ZDHHC21: variants seen among roughly 807,000 people sequenced by gnomAD.
ZDHHC21 encodes the protein zDHHC palmitoyltransferase 21.
A neutral mutation model predicts 34.6 loss-of-function variants in ZDHHC21; 15 were observed. That is an observed-to-expected ratio of 0.43 (90% CI 0.29 to 0.67). ZDHHC21 has a LOEUF of 0.67. ZDHHC21 is among the 30% of genes least tolerant of loss of function. ZDHHC21 has a pLI of 0.14. For missense variants in ZDHHC21, 344 were observed against 327.7 expected, an observed-to-expected ratio of 1.05 and a Z score of -0.38; for synonymous variants, 142 against 101.8, an observed-to-expected ratio of 1.40 and a Z score of -2.38.
intron 6 of ZDHHC21, among the ~76,000 whole-genome samples, chr9:14,659,687 T>C (rs1832992096): frequency 6.6e-6 from 1 of 152,160 alleles, no homozygotes; most frequent in African/African-American, 2.4e-5. Context: ...ATGTAACAGG[T>C]TTCGGTCCTA....
chr9:14,648,704 C>A (rs1289275752), intron 7 of ZDHHC21, among the ~76,000 whole-genome samples: 1 of 152,030 alleles, frequency 6.6e-6, no homozygotes, highest in Admixed American at 6.6e-5. Context: ...AACACAGGAA[C>A]TTTGTTTTAG....
At chr9:14,652,737 C>T (rs904811456) in intron 7 of ZDHHC21, among the ~76,000 whole-genome samples, 1 of 151,902 alleles carries the variant, frequency 6.6e-6, no homozygotes, top group Non-Finnish European at 1.5e-5. Context: ...ATACAACGTA[C>T]CAGTTTTCTA....
intron 8 of ZDHHC21, 128 bp downstream of exon 8, chr9:14,639,768 C>A (rs905859120): frequency 1.8e-5 from 9 of 513,888 alleles, no homozygotes; most frequent in Admixed American, 3.6e-5. Context: ...TACATAGGCA[C>A]ATGAAAGTAT....
intron 7 of ZDHHC21, among the ~76,000 whole-genome samples, chr9:14,658,441 A>AATGTT (rs1437687534): frequency 1.4e-5 from 2 of 138,500 alleles, no homozygotes; most frequent in Non-Finnish European, 3.1e-5. Flanking sequence ...CAACTGCTCT[A>AATGTT]ATGTTAGTGG....
chr9:14,658,286 G>A (rs1326177790), intron 7 of ZDHHC21, among the ~76,000 whole-genome samples: 1 of 151,960 alleles, frequency 6.6e-6, no homozygotes, highest in Admixed American at 6.6e-5. Context: ...GGAAATGTCA[G>A]ACTAGGGCCC....
In ZDHHC21 at chr9:14,613,405, T is replaced by G. The variant is rs370021620; in HGVS notation, c.*5561A>C. 11 of 151,798 alleles carry G rather than the reference T, an allele frequency of 7.2e-5. No homozygotes were observed. The highest frequency in any genetic ancestry group is 2.7e-4 in the African/African-American group (11 of 41,404). 9.4% of individuals were successfully genotyped at this position (151,798 alleles called of 1,614,324 possible). A position where few individuals can be genotyped will look rare whatever the true frequency, so the allele number is the denominator to read the frequency against. On this transcript the variant is annotated 3_prime_UTR_variant, in exon 10 of 10. Coordinates refer to ENST00000380916, the MANE Select transcript of ZDHHC21 (RefSeq NM_178566.6). ...ATAAAACACGAACTTCAGGCACCAG[T>G]AGGTTAAAATATCATCCAATGTATA...
chr9:14,666,349 C>G, intron 5 of ZDHHC21, among the ~76,000 whole-genome samples: 1 of 133,494 alleles, frequency 7.5e-6, no homozygotes, highest in African/African-American at 2.7e-5. Context: ...ATTCATAAAT[C>G]AAGTCCTGAG....
chr9:14,602,419 G>A, the ZDHHC21 span, among the ~76,000 whole-genome samples: 13 of 151,992 alleles, frequency 8.6e-5, no homozygotes, highest in African/African-American at 3.1e-4. Flanking sequence ...CTTATTTAAT[G>A]AAATAATAGC....
chr9:14,659,473 C>T (rs939916105), intron 6 of ZDHHC21, among the ~76,000 whole-genome samples: 1 of 152,120 alleles, frequency 6.6e-6, no homozygotes, highest in Non-Finnish European at 1.5e-5. Flanking sequence ...ACAGTGAACC[C>T]TAACTAGGAA....
Position 14,665,191 on chromosome 9 carries a change from C to A in ZDHHC21, c.254-2865G>T, listed in dbSNP as rs967640251. 2.2e-5 allele frequency among the ~76,000 whole-genome samples: 3 copies of A among 137,404 alleles called. No individual in the cohort carries two copies. In the Admixed American group the frequency reaches 2.2e-4, roughly 10 times the overall value. The allele number at this position is 137,404 out of a possible 152,430, so 90.1% of individuals were successfully genotyped here. A position where few individuals can be genotyped will look rare whatever the true frequency, so the allele number is the denominator to read the frequency against. ...GCTGAAAACCAAGGCTCGAGAACTA[C>A]GTGAAGAATGCAGAAGCCTCAGGAG... On this transcript the variant is annotated intron_variant, in intron 5 of 9. Transcript: ENST00000380916.
intron 8 of ZDHHC21, chr9:14,622,529 T>C (rs1430776330): frequency 5.1e-6 from 5 of 985,146 alleles, no homozygotes; most frequent in Non-Finnish European, 4.8e-6. Flanking sequence ...AGAGGTTTCC[T>C]GGTTAACAGA....
intron 8 of ZDHHC21, among the ~76,000 whole-genome samples, chr9:14,621,878 TA>T (rs1002063169): frequency 3.9e-5 from 6 of 151,998 alleles, no homozygotes; most frequent in East Asian, 3.9e-4. Flanking sequence ...CTTTTGGAAT[TA>T]AAAAAAACCA....
chr9:14,593,615 A>G, the ZDHHC21 span: 1 of 152,260 alleles, frequency 6.6e-6, no homozygotes, highest in South Asian at 2.1e-4. Context: ...TGCGTTGACT[A>G]CAAGGAAGAC....
At chr9:14,622,452 T>C in intron 8 of ZDHHC21, 1 of 880,686 alleles carries the variant, frequency 1.1e-6, no homozygotes. Context: ...AAGAGATATC[T>C]CTTGGCTTGA....
chr9:14,593,021 G>C, the ZDHHC21 span, among the ~76,000 whole-genome samples: 1 of 152,016 alleles, frequency 6.6e-6, no homozygotes, highest in Non-Finnish European at 1.5e-5. Context: ...AGTACAGGGA[G>C]GGCAATTTAT....
the ZDHHC21 span, among the ~76,000 whole-genome samples, chr9:14,592,100 G>T: frequency 6.6e-6 from 1 of 151,722 alleles, no homozygotes; most frequent in Non-Finnish European, 1.5e-5. Flanking sequence ...GTTTTTCTGT[G>T]TCTTATATAT....
At chr9:14,647,571 C>T (rs1471998083) in intron 7 of ZDHHC21, among the ~76,000 whole-genome samples, 2 of 152,122 alleles carry the variant, frequency 1.3e-5, no homozygotes, top group Non-Finnish European at 2.9e-5. Context: ...CCGACGGGAG[C>T]TCCAATTCCT....
In ZDHHC21 at chr9:14,611,286, T is replaced by C. The variant is rs1823257570; in HGVS notation, c.*7680A>G. On this transcript the variant is annotated 3_prime_UTR_variant, in exon 10 of 10. Coordinates refer to ENST00000380916, the MANE Select transcript of ZDHHC21 (RefSeq NM_178566.6). ...GTTTGATTTTCACATTAAGAACCAG[T>C]GTAGACTTTTCATCTAAACAAATAC... 6.6e-6 allele frequency: 1 copy of C among 152,030 alleles called. No homozygotes were observed. The highest frequency in any genetic ancestry group is 1.5e-5 in the Non-Finnish European group (1 of 67,938). The allele number at this position is 152,030 out of a possible 1,614,324, so 9.4% of individuals were successfully genotyped here.
At chr9:14,683,397 T>C (rs1298667322) in intron 2 of ZDHHC21, among the ~76,000 whole-genome samples, 1 of 152,044 alleles carries the variant, frequency 6.6e-6, no homozygotes, top group Non-Finnish European at 1.5e-5. Context: ...AAATACAAAC[T>C]ACCATCAGAG....
Sources: allele counts gnomAD v4.1 joint callset (sites outside exome capture counted in the v4.1 genomes callset), GRCh38; gene constraint gnomAD v4.1.1; transcripts MANE v1.5; gene names NCBI Gene and HGNC (gene_info 2026-07-23, HGNC 2026-07-21).